Variants in GTF2IRD1 observed in about 807,000 individuals in gnomAD.
GTF2IRD1 encodes the protein GTF2I repeat domain containing 1, also known as general transcription factor II-I repeat domain-containing protein 1.
A neutral mutation model predicts 113.2 loss-of-function variants in GTF2IRD1; 26 were observed. That is an observed-to-expected ratio of 0.23 (90% confidence interval 0.17 to 0.32). The LOEUF (loss-of-function observed/expected upper bound fraction) is 0.32. Ranked by LOEUF, GTF2IRD1 falls within the 10% of genes least tolerant of loss-of-function variation. The pLI, the probability that GTF2IRD1 is intolerant of heterozygous loss-of-function variation, is 1.00. For synonymous variants in GTF2IRD1, 484 were observed against 529.1 expected (o/e 0.91, Z 1.17); for missense variants, 864 against 1,280.8 (o/e 0.67, Z 4.97).
intron 24 of GTF2IRD1, among the ~76,000 whole-genome samples, chr7:74,594,208 A>T (rs1351984575): frequency 6.6e-6 from 1 of 151,538 alleles, no homozygotes; most frequent in Non-Finnish European, 1.5e-5. Context: ...CAAAAAAAAA[A>T]AATTAATTAA....
chr7:74,556,920 G>A (rs782045474), intron 19 of GTF2IRD1, among the ~76,000 whole-genome samples: 14 of 151,778 alleles, frequency 9.2e-5, no homozygotes, highest in South Asian at 2.1e-4. Flanking sequence ...CGCCGCGCCC[G>A]GTCACACTTG....
At chr7:74,469,949 A>G (rs2116993712) in intron 1 of GTF2IRD1, among the ~76,000 whole-genome samples, 1 of 152,192 alleles carries the variant, frequency 6.6e-6, no homozygotes, top group African/African-American at 2.4e-5. Flanking sequence ...AAAAATTATC[A>G]TATTCTTTAT....
intron 20 of GTF2IRD1, among the ~76,000 whole-genome samples, chr7:74,558,364 T>TTTTTTTTTTTTTTTTTTTTTG (rs1554357920): frequency 8.2e-6 from 1 of 121,280 alleles, no homozygotes. Flanking sequence ...TTTTTTTTTT[T>TTTTTTTTTTTTTTTTTTTTTG]TTTTTTTTTT....
At chr7:74,488,799 G>A (rs1291701936) in intron 1 of GTF2IRD1, among the ~76,000 whole-genome samples, 3 of 151,130 alleles carry the variant, frequency 2.0e-5, no homozygotes, top group African/African-American at 7.3e-5. Flanking sequence ...GTCCTGGGGG[G>A]GTAAAAAAGG....
Position 74,579,338 on chromosome 7 carries a change from C to T in GTF2IRD1, c.2321-10513C>T, listed in dbSNP as rs1801273247. On this transcript the variant is annotated intron_variant, in intron 22 of 26. Transcript: ENST00000424337. ...TTTTTGAAAAGGAAGAGGAAGAAGG[C>T]CAGGCGCAGTGGCTCATGCCCGTAA... Among the ~76,000 whole-genome samples, 7 of 152,186 alleles carry T rather than the reference C, an allele frequency of 4.6e-5. No homozygotes were observed. The South Asian group carries it at 1.5e-3, about 32-fold the overall frequency.
intron 9 of GTF2IRD1, among the ~76,000 whole-genome samples, chr7:74,530,707 C>T (rs1489728854): frequency 3.3e-5 from 5 of 151,568 alleles, no homozygotes; most frequent in African/African-American, 1.2e-4. Context: ...TGACATGTAG[C>T]AGATGTTTAA....
chr7:74,476,273 T>G (rs1794399807), intron 1 of GTF2IRD1, among the ~76,000 whole-genome samples: 1 of 152,048 alleles, frequency 6.6e-6, no homozygotes, highest in Admixed American at 6.6e-5. Flanking sequence ...TTTTTATTAC[T>G]AAATCATGGC....
intron 1 of GTF2IRD1, among the ~76,000 whole-genome samples, chr7:74,458,998 C>T (rs1481736424): frequency 6.6e-6 from 1 of 152,110 alleles, no homozygotes; most frequent in Admixed American, 6.6e-5. Flanking sequence ...TGGTAGCTCT[C>T]TCTCCACTCG....
chr7:74,518,217 A>AG lies in GTF2IRD1; in HGVS notation c.504dup (p.Leu169AlafsTer14). 1 of 1,611,568 alleles carries AG rather than the reference A, an allele frequency of 6.2e-7. No individual in the cohort carries two copies. On this transcript the variant is annotated frameshift_variant, in exon 5 of 27. Coordinates refer to ENST00000424337, the MANE Select transcript of GTF2IRD1 (RefSeq NM_005685.4). LOFTEE classifies it high-confidence loss of function. The stretch of plus-strand genomic sequence containing the variant: ...AGGGAGCCAGGGCTGCTGGCCGTGC[A>AG]GGGGCTGCCCGAAGGCCTGGCCTTC...
chr7:74,565,307 G>T (rs1357425490), intron 22 of GTF2IRD1, among the ~76,000 whole-genome samples: 1 of 151,538 alleles, frequency 6.6e-6, no homozygotes, highest in African/African-American at 2.4e-5. Flanking sequence ...GGTGGATCAC[G>T]TAAAGTCAGG....
At chr7:74,564,600 T>C (rs1438513998) in intron 22 of GTF2IRD1, among the ~76,000 whole-genome samples, 2 of 152,070 alleles carry the variant, frequency 1.3e-5, no homozygotes, top group Non-Finnish European at 2.9e-5. Flanking sequence ...GACATTTTTT[T>C]AAATTAGCCA....
rs1325135943 is a variant in GTF2IRD1, at chr7:74,595,227, G to A, written c.2629+176G>A. On this transcript the variant is annotated intron_variant, in intron 25 of 26. Transcript: ENST00000424337. ...TCAAGACCAGCCTGAGCAACATGGT[G>A]AAACCCCGTCTCTACTAAAAATGCA... 3.9e-5 allele frequency among the ~76,000 whole-genome samples: 6 copies of A among 152,084 alleles called. No homozygotes were observed. The East Asian group carries it at 9.7e-4, about 25-fold the overall frequency.
chr7:74,556,620 CTTT>C (rs782679644), intron 19 of GTF2IRD1, among the ~76,000 whole-genome samples: 2 of 107,160 alleles, frequency 1.9e-5, no homozygotes, highest in Non-Finnish European at 3.7e-5. Context: ...CTGCACCCAG[CTTT>C]TTTTTTTTTT....
intron 22 of GTF2IRD1, among the ~76,000 whole-genome samples, chr7:74,582,330 G>A (rs1554366410): frequency 2.6e-5 from 4 of 152,258 alleles, no homozygotes; most frequent in Non-Finnish European, 5.9e-5. Context: ...CAGACAGTGA[G>A]TCACTTATGT....
Position 74,519,682 on chromosome 7 carries a change from C to A in GTF2IRD1, c.879C>A (p.Pro293=), listed in dbSNP as rs1415192850. The A allele has an allele frequency of 6.3e-7, 1 of 1,592,672 alleles. No homozygotes were observed. ...DLGLSRPMPE[P]KATGAQDFSD... ...GCCTGAGTCGGCCCATGCCAGAGCCCAAGGCCACCGGTGCCCAAGACTTCT... is the reference window on the plus strand; with the variant it reads ...GCCTGAGTCGGCCCATGCCAGAGCCAAAGGCCACCGGTGCCCAAGACTTCT... The change falls in exon 6 of 27, where the codon CCC becomes CCA. Residue 293 remains proline (P), a synonymous_variant. Transcript: ENST00000424337.
intron 1 of GTF2IRD1, chr7:74,507,809 C>A: frequency 7.5e-6 from 3 of 399,152 alleles, no homozygotes; most frequent in Non-Finnish European, 9.1e-6. Flanking sequence ...GCCTGTCCAA[C>A]AGACTGGTCC....
At chr7:74,545,994 G>T (rs587655846) in intron 16 of GTF2IRD1, among the ~76,000 whole-genome samples, 185 bp downstream of exon 16, 1 of 152,188 alleles carries the variant, frequency 6.6e-6, no homozygotes, top group South Asian at 2.1e-4. Flanking sequence ...TAGAGAGGCT[G>T]TCACTCAGGC....
At chr7:74,599,350 G>A (rs1318113638) in intron 25 of GTF2IRD1, among the ~76,000 whole-genome samples, 1 of 152,170 alleles carries the variant, frequency 6.6e-6, no homozygotes, top group Non-Finnish European at 1.5e-5. Context: ...AGGACGTGCT[G>A]CTCAAAGTCT....
At chr7:74,501,462 A>G (rs1796025765) in intron 1 of GTF2IRD1, among the ~76,000 whole-genome samples, 1 of 152,016 alleles carries the variant, frequency 6.6e-6, no homozygotes, top group Admixed American at 6.6e-5. Flanking sequence ...TTCCCTCCGG[A>G]GGGGGCGGTC....
Sources: gnomAD v4.1 joint callset for allele counts (sites outside exome capture counted in the v4.1 genomes callset) on GRCh38, gnomAD v4.1.1 for gene constraint, MANE v1.5 for transcripts, NCBI Gene and HGNC (gene_info 2026-07-23, HGNC 2026-07-21) for gene names.